The following DHX8 variants were observed in gnomAD, a reference collection of about 807,000 sequenced individuals.
The protein encoded by DHX8 is DEAH-box helicase 8.
DHX8 carries 67 observed loss-of-function variants against 140.7 expected under a neutral mutation model. That is an observed-to-expected ratio of 0.48 (90% CI 0.39 to 0.58). DHX8 has a LOEUF of 0.58. Among genes scored for constraint, DHX8 ranks in the 20% least tolerant of loss-of-function variants. DHX8 has a pLI of 0.00. For synonymous variants in DHX8, 533 were observed against 553.2 expected (o/e 0.96, Z 0.51); for missense variants, 887 against 1,550.7 (o/e 0.57, Z 7.19).
chr17:43,508,720 C>T lies in DHX8; in HGVS notation c.2502+200C>T, dbSNP rs555110046. On this transcript the variant is annotated intron_variant, in intron 16 of 22. Coordinates refer to ENST00000262415, the MANE Select transcript of DHX8 (RefSeq NM_004941.3). ...CTGCAAGCTCCGCCTCCCGGGTTCACGCCATTCTCCTGCCTCAGCCTCCTG... is the reference window on the plus strand; with the variant it reads ...CTGCAAGCTCCGCCTCCCGGGTTCATGCCATTCTCCTGCCTCAGCCTCCTG... 1.6e-3 allele frequency among the ~76,000 whole-genome samples: 239 copies of T among 151,682 alleles called. 2 individuals are homozygous for T. The highest frequency in any genetic ancestry group is 3.5e-3 in the Admixed American group (53 of 15,206).
At chr17:43,511,456 A>AGTTTTTTTTTTTTTT (rs1969821105) in intron 16 of DHX8, among the ~76,000 whole-genome samples, 3 of 56,790 alleles carry the variant, frequency 5.3e-5, no homozygotes, top group African/African-American at 7.7e-5. Context: ...TGATCCCAGC[A>AGTTTTTTTTTTTTTT]TTTTTTTTTT....
At chr17:43,527,907 C>T (rs540738948), downstream of DHX8, 2 of 232,886 alleles carry the variant, frequency 8.6e-6, no homozygotes, top group African/African-American at 2.2e-5. Flanking sequence ...AGTACAAACC[C>T]AGGCCTGGGC....
rs1970525432 is a variant in DHX8, at chr17:43,524,314, A to G, written c.*467A>G. 1 of 1,004,800 alleles carries G rather than the reference A, an allele frequency of 1.0e-6. No individual in the cohort carries two copies. The highest frequency in any genetic ancestry group is 5.4e-5 in the Admixed American group (1 of 18,600). The allele number at this position is 1,004,800 out of a possible 1,614,324, so 62.2% of individuals were successfully genotyped here. A position where few individuals can be genotyped will look rare whatever the true frequency, so the allele number is the denominator to read the frequency against. On this transcript the variant is annotated 3_prime_UTR_variant, in exon 23 of 23. Transcript: ENST00000262415. ...GTGGAAATATTTATTTTCTTAAGGA[A>G]ACAAAAATGGTTTTCTGTGACTGTT...
intron 11 of DHX8, among the ~76,000 whole-genome samples, chr17:43,502,589 A>G (rs1471727821): frequency 1.3e-5 from 2 of 151,908 alleles, no homozygotes; most frequent in African/African-American, 4.8e-5. Context: ...CGCACGAGTA[A>G]TTATTTTGCA....
At position 43,524,835 on chromosome 17, in the gene DHX8, CCT is replaced by C. The variant is rs1360280861; in HGVS notation, c.*992_*993del. 2.0e-6 allele frequency: 2 copies of C among 985,448 alleles called. No homozygotes were observed. Among genetic ancestry groups the C allele is most frequent in the African/African-American group, 3.5e-5 (2 of 57,360 alleles). 61.0% of individuals were successfully genotyped at this position (985,448 alleles called of 1,614,324 possible). ...AACAGAAAACAAACATAACACCTCT[CCT>C]CTCAGCTGGTTTGTGCTGCCAGTAT... On this transcript the variant is annotated 3_prime_UTR_variant, in exon 23 of 23. Transcript: ENST00000262415.
Position 43,539,145 on chromosome 17 carries a change from C to G in DHX8, c.*20+2647C>G, listed in dbSNP as rs1971396259. Among the ~76,000 whole-genome samples the G allele has an allele frequency of 2.0e-5, 3 of 152,272 alleles. No individual in the cohort carries two copies. The South Asian group carries it at 6.2e-4, about 32-fold the overall frequency. ...AATCATTTCTCTCTGTTATTTAAAG[C>G]ATGAAATCCAAACGCTTGCCCTTGG... On this transcript the variant is annotated intron_variant, in intron 3 of 3. Transcript: ENST00000589898.
At chr17:43,526,400 G>A (rs1352919571), downstream of DHX8, 12 of 1,520,722 alleles carry the variant, frequency 7.9e-6, no homozygotes, top group Middle Eastern at 4.5e-4. Flanking sequence ...CGTCCCTATG[G>A]GGCATGTGTG....
chr17:43,491,040 T>C (rs1968488828), intron 3 of DHX8, 125 bp from the exon 4 acceptor site: 1 of 448,332 alleles, frequency 2.2e-6, no homozygotes, highest in Non-Finnish European at 4.0e-6. Flanking sequence ...GATTAATATA[T>C]AGCAAAATGC....
intron 11 of DHX8, among the ~76,000 whole-genome samples, chr17:43,502,642 C>T (rs1213179254): frequency 6.6e-6 from 1 of 152,132 alleles, no homozygotes; most frequent in African/African-American, 2.4e-5. Flanking sequence ...TCAGGCTGGT[C>T]TCGAACTTCT....
At position 43,521,619 on chromosome 17, in the gene DHX8, A is replaced by G; in HGVS notation, c.3263+54A>G. On this transcript the variant is annotated intron_variant, in intron 21 of 22. Coordinates refer to ENST00000262415, the MANE Select transcript of DHX8 (RefSeq NM_004941.3). ...TTTGAGTTGAACCACCTTGAGTATCATGTCTTTTCATCTCTGTGTGTACCT... is the reference window on the plus strand; with the variant it reads ...TTTGAGTTGAACCACCTTGAGTATCGTGTCTTTTCATCTCTGTGTGTACCT... 3.3e-6 allele frequency: 5 copies of G among 1,529,986 alleles called. No homozygotes were observed. In the South Asian group the frequency reaches 4.8e-5, roughly 15 times the overall value. 94.8% of individuals were successfully genotyped at this position (1,529,986 alleles called of 1,614,324 possible).
intron 1 of DHX8, among the ~76,000 whole-genome samples, chr17:43,486,735 G>A (rs950511106): frequency 1.3e-5 from 2 of 152,002 alleles, no homozygotes; most frequent in Admixed American, 6.6e-5. Flanking sequence ...AAAATTAGCA[G>A]GGCGTGGTGG....
At position 43,500,085 on chromosome 17, in the gene DHX8, G is replaced by C; in HGVS notation, c.1528G>C (p.Val510Leu). Residue 510 changes from valine to leucine, a missense_variant, in exon 11 of 23, where the codon GTT becomes CTT. Val to Leu is a conservative substitution (Grantham distance 32). Transcript: ENST00000262415. ...SIPMGLNKHW[V>L]DPLPDAEGRQ... ...TCCCATGGGACTCAACAAACACTGG[G>C]TTGACCCTCTGCCTGATGGTAGGAC... 6.2e-7 allele frequency: 1 copy of C among 1,614,088 alleles called. No homozygotes were observed. The highest frequency in any genetic ancestry group is 8.5e-7 in the Non-Finnish European group (1 of 1,179,982).
intron 3 of DHX8, among the ~76,000 whole-genome samples, chr17:43,540,330 G>A (rs901066470): frequency 2.0e-5 from 3 of 152,174 alleles, no homozygotes; most frequent in African/African-American, 7.2e-5. Flanking sequence ...GTTCTCGCCT[G>A]TAATCCCAGC....
In DHX8 at chr17:43,524,539, G is replaced by GA; in HGVS notation, c.*693dup. The stretch of plus-strand genomic sequence containing the variant: ...CAGCACTAGCCGGGCCGTGCTGGGG[G>GA]ATCACCCGATGATCAACCATGTCCT... On this transcript the variant is annotated 3_prime_UTR_variant, in exon 23 of 23. Transcript: ENST00000262415. The GA allele has an allele frequency of 2.0e-6, 2 of 986,394 alleles. No homozygotes were observed. The highest frequency in any genetic ancestry group is 2.4e-6 in the Non-Finnish European group (2 of 830,830). 61.1% of individuals were successfully genotyped at this position (986,394 alleles called of 1,614,324 possible). A position where few individuals can be genotyped will look rare whatever the true frequency, so the allele number is the denominator to read the frequency against.
chr17:43,501,296 T>A (rs1031560708), intron 11 of DHX8, among the ~76,000 whole-genome samples: 2 of 151,444 alleles, frequency 1.3e-5, no homozygotes, highest in Non-Finnish European at 2.9e-5. Context: ...GCCTGAGGAG[T>A]AGCCCGTGTT....
intron 18 of DHX8, chr17:43,519,311 G>A (rs561771872): frequency 7.2e-4 from 109 of 152,322 alleles, no homozygotes; most frequent in African/African-American, 2.6e-3. Context: ...TGGGTATGAA[G>A]TGATATTTCA....
chr17:43,512,904 C>T (rs1969923240), intron 16 of DHX8, among the ~76,000 whole-genome samples: 1 of 151,956 alleles, frequency 6.6e-6, no homozygotes, highest in South Asian at 2.1e-4. Context: ...CCCTCTTGTT[C>T]CACATACATA....
At chr17:43,514,091 C>G (rs1286183091) in intron 17 of DHX8, among the ~76,000 whole-genome samples, 1 of 152,056 alleles carries the variant, frequency 6.6e-6, no homozygotes, top group African/African-American at 2.4e-5. Context: ...CCTGTAATCC[C>G]AGCACTTTGG....
intron 2 of DHX8, chr17:43,532,742 T>C (rs1472476182): frequency 6.2e-7 from 1 of 1,614,028 alleles, no homozygotes; most frequent in South Asian, 1.1e-5. Context: ...CCTGTGCCCA[T>C]TGACCCCACC....
Sources: gnomAD v4.1 joint callset for allele counts (sites outside exome capture counted in the v4.1 genomes callset) on GRCh38, gnomAD v4.1.1 for gene constraint, MANE v1.5 for transcripts, NCBI Gene and HGNC (gene_info 2026-07-23, HGNC 2026-07-21) for gene names.